HEATR5B: variants seen among roughly 807,000 people sequenced by gnomAD.
HEATR5B encodes the protein HEAT repeat containing 5B.
Under a neutral mutation model 224.1 loss-of-function variants are expected in HEATR5B, and 156 were observed. That is an observed-to-expected ratio of 0.70 (90% CI 0.61 to 0.80). The LOEUF (loss-of-function observed/expected upper bound fraction) is 0.80, where lower values mean the gene tolerates loss of function less well. Ranked by LOEUF, HEATR5B falls within the 30% of genes least tolerant of loss-of-function variation. HEATR5B has a pLI of 0.00. For synonymous variants in HEATR5B, 1,027 were observed against 893.0 expected (o/e 1.15, Z -2.68); for missense variants, 2,323 against 2,535.5 (o/e 0.92, Z 1.80).
chr2:37,045,354 T>G (rs1194220109), intron 18 of HEATR5B, among the ~76,000 whole-genome samples: 1 of 79,610 alleles, frequency 1.3e-5, no homozygotes. Context: ...TATTGCTGAG[T>G]TTTTTTCTGG....
chr2:37,017,012 T>A (rs1668157719), intron 26 of HEATR5B, among the ~76,000 whole-genome samples: 1 of 152,162 alleles, frequency 6.6e-6, no homozygotes, highest in African/African-American at 2.4e-5. Context: ...TGGGAAAGAT[T>A]TGATAAATAT....
At chr2:37,007,835 G>T (rs1048883084) in intron 28 of HEATR5B, among the ~76,000 whole-genome samples, 5 of 152,196 alleles carry the variant, frequency 3.3e-5, no homozygotes, top group African/African-American at 1.2e-4. Flanking sequence ...TGCTACTGCT[G>T]ATGTCACTAA....
intron 20 of HEATR5B, 110 bp downstream of exon 20, chr2:37,040,219 A>C: frequency 1.1e-6 from 1 of 874,450 alleles, no homozygotes; most frequent in East Asian, 2.5e-5. Context: ...TATTCAGTAC[A>C]TAGTAATTGT....
intron 6 of HEATR5B, among the ~76,000 whole-genome samples, chr2:37,070,720 G>C (rs546927167): frequency 1.3e-4 from 20 of 152,332 alleles, no homozygotes; most frequent in African/African-American, 4.8e-4. Flanking sequence ...ATTCCCGCCT[G>C]AGGTGGACAC....
In HEATR5B at chr2:37,019,825, A is replaced by G. The variant is rs750893407; in HGVS notation, c.4088T>C (p.Ile1363Thr). ...AFSQDTPSDI[I>T]AKACQVCSTW... ...TCTTCTTACCTGGCAAGCTTTCGCTATTATATCTGATGGTGTATCTTGTGA... is the reference window on the plus strand; with the variant it reads ...TCTTCTTACCTGGCAAGCTTTCGCTGTTATATCTGATGGTGTATCTTGTGA... Residue 1363 changes from isoleucine to threonine, a missense_variant, in exon 26 of 36, where the codon ATA becomes ACA. Ile to Thr is a moderately conservative substitution (Grantham distance 89). Around this residue, in one of 12 missense-constraint regions of HEATR5B, gnomAD observed 339 missense variants for 378.4 expected, o/e 0.90. Coordinates refer to ENST00000233099, the MANE Select transcript of HEATR5B (RefSeq NM_019024.3). The G allele has an allele frequency of 3.7e-6, 6 of 1,609,030 alleles. No individual in the cohort carries two copies. In the South Asian group the frequency reaches 4.4e-5, roughly 12 times the overall value.
chr2:37,029,548 CA>C (rs1308138244), intron 22 of HEATR5B, among the ~76,000 whole-genome samples: 5 of 152,074 alleles, frequency 3.3e-5, no homozygotes, highest in Non-Finnish European at 7.4e-5. Context: ...TCTGTAATCC[CA>C]GCTACTCAGA....
intron 27 of HEATR5B, among the ~76,000 whole-genome samples, chr2:37,012,943 T>C (rs993302232): frequency 6.6e-6 from 1 of 152,256 alleles, no homozygotes; most frequent in Admixed American, 6.5e-5. Flanking sequence ...ATAATGCTCC[T>C]TACCCTTTGG....
intron 35 of HEATR5B, among the ~76,000 whole-genome samples, chr2:36,983,066 G>T (rs1445647619): frequency 6.6e-6 from 1 of 152,080 alleles, no homozygotes; most frequent in East Asian, 1.9e-4. Flanking sequence ...TGCTTTGAAT[G>T]AATAAACATA....
intron 32 of HEATR5B, among the ~76,000 whole-genome samples, chr2:37,001,623 TAA>T (rs755078985): frequency 2.8e-5 from 4 of 144,340 alleles, no homozygotes; most frequent in Non-Finnish European, 4.6e-5. Flanking sequence ...CTGATGAGCT[TAA>T]AAAAAAAAAG....
chr2:37,045,556 G>A (rs571387158), intron 18 of HEATR5B, among the ~76,000 whole-genome samples: 1 of 152,236 alleles, frequency 6.6e-6, no homozygotes, highest in Admixed American at 6.5e-5. Flanking sequence ...TCTGAAAATT[G>A]TTTCACCTAT....
chr2:36,987,193 C>T (rs1478749486), intron 35 of HEATR5B, among the ~76,000 whole-genome samples: 7 of 152,128 alleles, frequency 4.6e-5, no homozygotes, highest in Admixed American at 4.6e-4. Context: ...CTTTGGGAGG[C>T]TGAGGCAGGT....
intron 17 of HEATR5B, 56 bp from the exon 18 acceptor site, chr2:37,049,899 T>C (rs1333221492): frequency 9.6e-7 from 1 of 1,047,000 alleles, no homozygotes; most frequent in Non-Finnish European, 1.3e-6. Context: ...ATTATTATTA[T>C]TTTTTTTTTA....
At chr2:37,036,888 G>C (rs911290389) in intron 21 of HEATR5B, among the ~76,000 whole-genome samples, 2 of 151,688 alleles carry the variant, frequency 1.3e-5, no homozygotes, top group Non-Finnish European at 2.9e-5. Context: ...CTCTCTTCCA[G>C]GCTTTTATAG....
At position 37,076,942 on chromosome 2, in the gene HEATR5B, T is replaced by A; in HGVS notation, c.416A>T (p.Asn139Ile). 1 of 1,613,990 alleles carries A rather than the reference T, an allele frequency of 6.2e-7. No homozygotes were observed. Among genetic ancestry groups the A allele is most frequent in the Non-Finnish European group, 8.5e-7 (1 of 1,179,866 alleles). Residue 139 changes from asparagine to isoleucine, a missense_variant, in exon 4 of 36, where the codon AAT becomes ATT. By Grantham distance (149) the Asn-to-Ile change is moderately radical. Around this residue, in one of 12 missense-constraint regions of HEATR5B, gnomAD observed 292 missense variants for 332.6 expected, o/e 0.88. Transcript: ENST00000233099. ...MLGSAFPETV[N>I]NLLKSLKSAE... ...ACTTTTCAGAGATTTCAATAGATTA[T>A]TTACCGTTTCTGGAAATGCGCTGCC...
Position 37,002,446 on chromosome 2 carries a change from T to C in HEATR5B, c.5177A>G (p.His1726Arg), listed in dbSNP as rs918228792. ...CACCTTGGTACTGAGATGTGGCATA[T>C]GCCGTACTAAAATGAACATCAGCAG... ...MELLMFILVR[H>R]MPHLSTKVSD... The change falls in exon 32 of 36, where the codon CAT becomes CGT. Residue 1726 changes from histidine to arginine, a missense_variant. His to Arg is a conservative substitution (Grantham distance 29, BLOSUM62 0). Coordinates refer to ENST00000233099, the MANE Select transcript of HEATR5B (RefSeq NM_019024.3). The C allele has an allele frequency of 6.2e-7, 1 of 1,614,112 alleles. No individual in the cohort carries two copies. Among genetic ancestry groups the C allele is most frequent in the Non-Finnish European group, 8.5e-7 (1 of 1,180,052 alleles).
intron 18 of HEATR5B, among the ~76,000 whole-genome samples, chr2:37,046,883 C>G (rs1242584457): frequency 6.6e-6 from 1 of 151,250 alleles, no homozygotes; most frequent in Non-Finnish European, 1.5e-5. Flanking sequence ...AACGTTGTCT[C>G]TACTAAAAAT....
At chr2:37,065,196 G>T (rs1047471723) in intron 9 of HEATR5B, among the ~76,000 whole-genome samples, 1 of 152,036 alleles carries the variant, frequency 6.6e-6, no homozygotes, top group African/African-American at 2.4e-5. Context: ...ATTCAATATT[G>T]ATGTAAAATT....
chr2:37,041,323 C>G, intron 18 of HEATR5B, 31 bp from the exon 19 acceptor site: 1 of 1,607,446 alleles, frequency 6.2e-7, no homozygotes, highest in Non-Finnish European at 8.5e-7. Context: ...CAAGCACTAA[C>G]TTTGCTATTT....
intron 21 of HEATR5B, among the ~76,000 whole-genome samples, chr2:37,035,891 C>A (rs1291986969): frequency 2.0e-5 from 3 of 152,140 alleles, no homozygotes; most frequent in Non-Finnish European, 4.4e-5. Context: ...CCACTCTTCC[C>A]AACCCTCCTC....
Sources: allele counts gnomAD v4.1 joint callset (sites outside exome capture counted in the v4.1 genomes callset), GRCh38; gene constraint gnomAD v4.1.1; regional missense constraint gnomAD v4.1.1; transcripts MANE v1.5; gene names NCBI Gene and HGNC (gene_info 2026-07-23, HGNC 2026-07-21).